The following MALRD1 variants were observed in gnomAD, a reference collection of about 807,000 sequenced individuals.
The protein encoded by MALRD1 is MAM and LDL-receptor class A domain-containing protein 1.
MALRD1 carries 247 observed loss-of-function variants against 242.1 expected under a neutral mutation model. That is an observed-to-expected ratio of 1.02 (90% CI 0.92 to 1.13). The LOEUF is 1.13. MALRD1 is among the 50% of genes most tolerant of loss of function. The pLI is 0.00. For synonymous variants in MALRD1, 995 were observed against 866.6 expected (o/e 1.15, Z -2.60); for missense variants, 2,989 against 2,533.1 (o/e 1.18, Z -3.86).
intron 26 of MALRD1, among the ~76,000 whole-genome samples, chr10:19,364,224 A>G (rs1845019302): frequency 6.6e-6 from 1 of 152,162 alleles, no homozygotes; most frequent in African/African-American, 2.4e-5. Context: ...TTGCAAAGGT[A>G]GCACCTAGCA....
intron 32 of MALRD1, among the ~76,000 whole-genome samples, chr10:19,561,698 A>G (rs1189408212): frequency 7.1e-6 from 1 of 141,556 alleles, no homozygotes; most frequent in Non-Finnish European, 1.5e-5. Flanking sequence ...TGTGTCCTTT[A>G]CAATTGCCTC....
Position 19,140,048 on chromosome 10 carries a change from A to G in MALRD1, c.1411+3267A>G, listed in dbSNP as rs191437543. Among the ~76,000 whole-genome samples the G allele has an allele frequency of 1.8e-3, 276 of 152,330 alleles. 3 individuals are homozygous for G. The South Asian group carries it at 0.022, about 12-fold the overall frequency. On this transcript the variant is annotated intron_variant, in intron 10 of 39. Coordinates refer to ENST00000454679, the MANE Select transcript of MALRD1 (RefSeq NM_001142308.3). ...TTAAGAGCATCAATATTAATAAAAT[A>G]TTTATAATGTGTATTTGTAATGTAT... is the stretch of plus-strand genomic sequence containing the variant.
chr10:19,584,203 G>GT (rs1214628929), intron 33 of MALRD1, among the ~76,000 whole-genome samples: 1 of 151,834 alleles, frequency 6.6e-6, no homozygotes, highest in Non-Finnish European at 1.5e-5. Flanking sequence ...TTTTTGAAGG[G>GT]TTTTTTGTGT....
At chr10:19,081,048 T>C (rs970218456) in intron 2 of MALRD1, among the ~76,000 whole-genome samples, 1 of 151,744 alleles carries the variant, frequency 6.6e-6, no homozygotes, top group African/African-American at 2.4e-5. Context: ...GAAATGCAAA[T>C]CAAAACCACA....
intron 4 of MALRD1, among the ~76,000 whole-genome samples, chr10:19,095,990 A>G (rs1836016330): frequency 1.3e-5 from 2 of 152,142 alleles, no homozygotes; most frequent in African/African-American, 4.8e-5. Flanking sequence ...CTCCATCATC[A>G]TTTACACATC....
At chr10:19,339,812 A>G (rs1843763693) in intron 24 of MALRD1, among the ~76,000 whole-genome samples, 1 of 152,168 alleles carries the variant, frequency 6.6e-6, no homozygotes. Context: ...TCACGCTGCT[A>G]TAAAGACATA....
chr10:19,527,908 C>G (rs1834174989), intron 31 of MALRD1, among the ~76,000 whole-genome samples: 1 of 152,024 alleles, frequency 6.6e-6, no homozygotes, highest in Admixed American at 6.6e-5. Context: ...TGGAGAAATC[C>G]AGATATTCTT....
chr10:19,332,916 C>T (rs1021574674), intron 24 of MALRD1, among the ~76,000 whole-genome samples: 2 of 152,068 alleles, frequency 1.3e-5, no homozygotes, highest in Non-Finnish European at 2.9e-5. Context: ...GGTACATGTG[C>T]ACAACGTGCA....
chr10:19,466,382 C>T (rs1005713337), intron 29 of MALRD1, among the ~76,000 whole-genome samples: 1 of 152,030 alleles, frequency 6.6e-6, no homozygotes, highest in Non-Finnish European at 1.5e-5. Flanking sequence ...GCTAAAGAAG[C>T]CCCCTAAAAT....
Position 19,595,322 on chromosome 10 carries a change from G to GAT in MALRD1, c.5810_5811dup (p.Cys1938IlefsTer91), listed in dbSNP as rs1838030396. 1 of 1,550,672 alleles carries GAT rather than the reference G, an allele frequency of 6.4e-7. No homozygotes were observed. Among genetic ancestry groups the GAT allele is most frequent in the African/African-American group, 1.4e-5 (1 of 73,004 alleles). ...CTGCATAGATGGATCTGATGAAATG[G>GAT]ATTGTCCTCTCAGCCCCACCCCTCC... On this transcript the variant is annotated frameshift_variant, in exon 34 of 40. Coordinates refer to ENST00000454679, the MANE Select transcript of MALRD1 (RefSeq NM_001142308.3). LOFTEE classifies it high-confidence loss of function.
At chr10:19,385,981 G>T (rs1318183658) in intron 26 of MALRD1, among the ~76,000 whole-genome samples, 1 of 152,022 alleles carries the variant, frequency 6.6e-6, no homozygotes, top group Non-Finnish European at 1.5e-5. Context: ...CAGAGTCCAT[G>T]GTTGAAGCTT....
At chr10:19,384,894 A>T (rs1302964899) in intron 26 of MALRD1, among the ~76,000 whole-genome samples, 4 of 151,104 alleles carry the variant, frequency 2.6e-5, no homozygotes, top group Non-Finnish European at 5.9e-5. Flanking sequence ...GTGATGTTTT[A>T]TTTGAGCTTT....
intron 36 of MALRD1, among the ~76,000 whole-genome samples, chr10:19,672,844 C>A (rs1003221874): frequency 3.9e-5 from 6 of 151,962 alleles, no homozygotes; most frequent in African/African-American, 1.5e-4. Flanking sequence ...TTGATGGAGG[C>A]CAGAAAATAT....
At chr10:19,563,858 GGGTCTTGGGTGT>G (rs1458896672) in intron 32 of MALRD1, among the ~76,000 whole-genome samples, 1 of 152,154 alleles carries the variant, frequency 6.6e-6, no homozygotes, top group African/African-American at 2.4e-5. Flanking sequence ...GGGCCTGGTG[GGGTCTTGGGTGT>G]GGATCTCTTA....
At chr10:19,698,029 C>T (rs1020558304) in intron 38 of MALRD1, among the ~76,000 whole-genome samples, 3 of 152,174 alleles carry the variant, frequency 2.0e-5, no homozygotes, top group African/African-American at 7.2e-5. Context: ...GCCTTCAAGT[C>T]AGATCTCTCT....
intron 36 of MALRD1, among the ~76,000 whole-genome samples, chr10:19,677,213 T>C (rs1487486195): frequency 6.6e-6 from 1 of 152,182 alleles, no homozygotes; most frequent in East Asian, 1.9e-4. Context: ...ATGGTATTTC[T>C]GGTTCTAGGT....
At chr10:19,190,976 AT>A (rs1367378079) in intron 14 of MALRD1, among the ~76,000 whole-genome samples, 3 of 152,154 alleles carry the variant, frequency 2.0e-5, no homozygotes, top group Non-Finnish European at 2.9e-5. Flanking sequence ...GAGCTTTAAA[AT>A]TTTTTGCATC....
chr10:19,229,539 T>G (rs987203709), intron 18 of MALRD1, among the ~76,000 whole-genome samples: 1 of 152,172 alleles, frequency 6.6e-6, no homozygotes, highest in African/African-American at 2.4e-5. Flanking sequence ...CCTTTCATGC[T>G]TCTAACTTGA....
chr10:19,500,087 C>T (rs959153188), intron 31 of MALRD1, among the ~76,000 whole-genome samples: 13 of 152,066 alleles, frequency 8.5e-5, no homozygotes, highest in African/African-American at 3.1e-4. Context: ...TTCACTGTGG[C>T]TTTGCCAGAT....
Sources: gnomAD v4.1 joint callset for allele counts (sites outside exome capture counted in the v4.1 genomes callset) on GRCh38, gnomAD v4.1.1 for gene constraint, MANE v1.5 for transcripts, NCBI Gene and HGNC (gene_info 2026-07-23, HGNC 2026-07-21) for gene names.